Variants in RNFT2 observed in about 807,000 individuals in gnomAD.
The protein encoded by RNFT2 is ring finger protein, transmembrane 2.
Under a neutral mutation model 53.0 loss-of-function variants are expected in RNFT2, and 36 were observed. That is an observed-to-expected ratio of 0.68 (90% CI 0.52 to 0.90). The LOEUF (loss-of-function observed/expected upper bound fraction) is 0.90. Among genes scored for constraint, RNFT2 ranks in the 40% least tolerant of loss-of-function variants. The pLI, the probability that RNFT2 is intolerant of heterozygous loss-of-function variation, is 0.00. For synonymous variants in RNFT2, 260 were observed against 253.2 expected, an observed-to-expected ratio of 1.03 and a Z score of -0.26; for missense variants, 514 against 585.6, an observed-to-expected ratio of 0.88 and a Z score of 1.26.
Position 116,836,025 on chromosome 12 carries a change from G to C in RNFT2, c.1098G>C (p.Gln366His), listed in dbSNP as rs1271291627. 2 of 1,614,018 alleles carry C rather than the reference G, an allele frequency of 1.2e-6. No individual in the cohort carries two copies. Among genetic ancestry groups the C allele is most frequent in the South Asian group, 2.2e-5 (2 of 91,090 alleles). ...CCCTGAAGCTTCTCTGTACCTCTCA[G>C]GTGAGTTGGCTTCAGGTGGTCCCCA... The part of the protein sequence containing the change: ...RKALKLLCTS[Q>H]NYGVRATGQQ... Residue 366 changes from glutamine to histidine, a missense_variant and splice_region_variant, in exon 9 of 11, where the codon CAG (glutamine) becomes CAC (histidine). Around this residue, in one of 3 missense-constraint regions of RNFT2, gnomAD observed 273 missense variants for 334.4 expected, o/e 0.82. Coordinates refer to ENST00000257575, the MANE Select transcript of RNFT2 (RefSeq NM_001382266.1).
chr12:116,809,680 CT>C (rs112750553), intron 7 of RNFT2, among the ~76,000 whole-genome samples: 2 of 151,190 alleles, frequency 1.3e-5, no homozygotes, highest in Admixed American at 6.6e-5. Flanking sequence ...AAGACCTTTT[CT>C]TTTTTTTTGA....
chr12:116,790,142 C>A (rs1874168270), intron 7 of RNFT2, among the ~76,000 whole-genome samples: 2 of 152,200 alleles, frequency 1.3e-5, no homozygotes, highest in Non-Finnish European at 2.9e-5. Flanking sequence ...AGCAAAGTAG[C>A]ACTCACTTCT....
At chr12:116,772,362 T>C (rs1282716842) in intron 6 of RNFT2, among the ~76,000 whole-genome samples, 1 of 152,184 alleles carries the variant, frequency 6.6e-6, no homozygotes, top group Non-Finnish European at 1.5e-5. Flanking sequence ...GCTGAAGTGC[T>C]GTGGTGCGAT....
intron 6 of RNFT2, among the ~76,000 whole-genome samples, chr12:116,775,174 C>T (rs994173950): frequency 1.3e-5 from 2 of 150,768 alleles, no homozygotes; most frequent in Admixed American, 6.7e-5. Flanking sequence ...GCAGGAAAAT[C>T]GCCTGAACCG....
At chr12:116,791,485 T>A (rs568601306) in intron 7 of RNFT2, among the ~76,000 whole-genome samples, 181 of 152,248 alleles carry the variant, frequency 1.2e-3, no homozygotes, top group Non-Finnish European at 2.1e-3. Context: ...CTAATGTTTG[T>A]ATTTTAGAGA....
chr12:116,829,385 C>G (rs2137195005), intron 7 of RNFT2, among the ~76,000 whole-genome samples: 1 of 152,248 alleles, frequency 6.6e-6, no homozygotes, highest in South Asian at 2.1e-4. Flanking sequence ...GCATTTCCCT[C>G]CAGGGGATGT....
chr12:116,740,771 G>A (rs1430649127), intron 2 of RNFT2: 15 of 622,326 alleles, frequency 2.4e-5, no homozygotes, highest in Middle Eastern at 3.5e-4. Flanking sequence ...AGTTTACCGC[G>A]TTATCCTCTC....
At chr12:116,757,248 A>C (rs1872544877) in intron 5 of RNFT2, among the ~76,000 whole-genome samples, 1 of 151,944 alleles carries the variant, frequency 6.6e-6, no homozygotes, top group Non-Finnish European at 1.5e-5. Flanking sequence ...ATGGTCTATC[A>C]GTTTTATTTA....
rs992371453 is a variant in RNFT2 at position 116,745,285 on chromosome 12, C to T, written c.83+4191C>T. Among the ~76,000 whole-genome samples, 4 of 151,412 alleles carry T rather than the reference C, an allele frequency of 2.6e-5. No individual in the cohort carries two copies. In the Admixed American group the frequency reaches 2.6e-4, roughly 10 times the overall value. On this transcript the variant is annotated intron_variant, in intron 3 of 10. Transcript: ENST00000257575. ...TGCCTCCCCGGTTCAAGCGATTCTC[C>T]TGCCGCAGCCTCCTGAGTAGCTAGG...
Position 116,740,511 on chromosome 12 carries a change from C to T in RNFT2, c.14C>T (p.Thr5Ile). The part of the protein sequence containing the change: MWLF[T>I]VNQVLRKMQR... ...GTTCTGAAGTCCATGTGGCTCTTCA[C>T]AGTGAATCAGGTGACACGTCTCCAA... The change falls in exon 2 of 11, where the codon ACA becomes ATA. Residue 5 changes from threonine (T) to isoleucine (I), a missense_variant. Thr to Ile is a moderately conservative substitution (Grantham distance 89). This residue lies in a region of RNFT2 where 237 missense variants were observed against 235.1 expected (regional missense o/e 1.01). Transcript: ENST00000257575. The T allele has an allele frequency of 3.8e-6, 6 of 1,573,146 alleles. No homozygotes were observed. Among genetic ancestry groups the T allele is most frequent in the Non-Finnish European group, 5.2e-6 (6 of 1,157,984 alleles).
intron 7 of RNFT2, among the ~76,000 whole-genome samples, chr12:116,829,830 C>T (rs1192070873): frequency 2.0e-5 from 3 of 152,164 alleles, no homozygotes; most frequent in Non-Finnish European, 4.4e-5. Flanking sequence ...ATCTGTCCAC[C>T]TTGGCCTCCC....
At chr12:116,835,677 C>T (rs982460279) in intron 8 of RNFT2, among the ~76,000 whole-genome samples, 4 of 152,048 alleles carry the variant, frequency 2.6e-5, no homozygotes, top group South Asian at 2.1e-4. Flanking sequence ...GTGCTGTGAT[C>T]GATTATCAAT....
chr12:116,819,114 A>C (rs1316988818), intron 7 of RNFT2, among the ~76,000 whole-genome samples: 8 of 152,336 alleles, frequency 5.3e-5, no homozygotes, highest in Non-Finnish European at 8.8e-5. Flanking sequence ...GTGGCTGTGA[A>C]ATCCTGCAGG....
intron 7 of RNFT2, among the ~76,000 whole-genome samples, chr12:116,800,812 T>TCAAAATAAAATAAATAAAATAAAATAAAA (rs142455219): frequency 8.7e-6 from 1 of 114,790 alleles, no homozygotes; most frequent in African/African-American, 3.4e-5. Flanking sequence ...AGACTCCATC[T>TCAAAATAAAATAAATAAAATAAAATAAAA]TAAAATAAAA....
At chr12:116,797,531 T>C (rs1377217927) in intron 7 of RNFT2, among the ~76,000 whole-genome samples, 2 of 143,884 alleles carry the variant, frequency 1.4e-5, no homozygotes, top group African/African-American at 5.8e-5. Flanking sequence ...CTCCAGCCTG[T>C]CTATCTCAAA....
At chr12:116,789,689 G>T (rs1874133150) in intron 7 of RNFT2, among the ~76,000 whole-genome samples, 1 of 143,886 alleles carries the variant, frequency 6.9e-6, no homozygotes, top group Admixed American at 7.0e-5. Context: ...AGAGTAGAGG[G>T]ATGGATGGGT....
chr12:116,834,552 C>T (rs1487197254), intron 8 of RNFT2, among the ~76,000 whole-genome samples: 1 of 152,190 alleles, frequency 6.6e-6, no homozygotes, highest in Admixed American at 6.5e-5. Context: ...AGCAGTCACT[C>T]CCCATTCTTC....
chr12:116,793,978 G>A (rs375766560), intron 7 of RNFT2, among the ~76,000 whole-genome samples: 5 of 152,274 alleles, frequency 3.3e-5, no homozygotes, highest in African/African-American at 1.2e-4. Flanking sequence ...GCTGAATTCA[G>A]AGTTTCTCTG....
Position 116,809,258 on chromosome 12 carries a change from C to G in RNFT2, c.883-24534C>G, listed in dbSNP as rs531542648. Among the ~76,000 whole-genome samples the G allele has an allele frequency of 2.0e-5, 3 of 152,194 alleles. No homozygotes were observed. In the East Asian group the frequency reaches 5.8e-4, roughly 29 times the overall value. ...AGCAGAGTCGTGGCTGCATCCCAGT[C>G]CTCCTCCATCAGAGGTTGCGTTTGA... On this transcript the variant is annotated intron_variant, in intron 7 of 10. Coordinates refer to ENST00000257575, the MANE Select transcript of RNFT2 (RefSeq NM_001382266.1).
Sources: gnomAD v4.1 joint callset for allele counts (sites outside exome capture counted in the v4.1 genomes callset) on GRCh38, gnomAD v4.1.1 for gene constraint, gnomAD v4.1.1 regional missense constraint, MANE v1.5 for transcripts, NCBI Gene and HGNC (gene_info 2026-07-23, HGNC 2026-07-21) for gene names.